CDHR2: variants seen among roughly 807,000 people sequenced by gnomAD.
CDHR2 encodes cadherin related family member 2.
In CDHR2, 104 loss-of-function variants were observed where a neutral mutation model predicts 138.6. The ratio of observed to expected loss-of-function variants is 0.75; its 90% CI spans 0.64 to 0.88. CDHR2 has a LOEUF of 0.88. Ranked by LOEUF, CDHR2 falls within the 40% of genes least tolerant of loss-of-function variation. CDHR2 has a pLI of 0.00. For synonymous variants in CDHR2, 755 were observed against 742.8 expected (o/e 1.02, Z -0.27); for missense variants, 1,624 against 1,727.6 (o/e 0.94, Z 1.06).
At chr5:176,579,714 C>T (rs1286007383) in intron 16 of CDHR2, among the ~76,000 whole-genome samples, 1 of 152,118 alleles carries the variant, frequency 6.6e-6, no homozygotes, top group East Asian at 1.9e-4. Context: ...AATGGAGGAG[C>T]TGAAGGTGGA....
chr5:176,583,125 A>G (rs1364612672), intron 17 of CDHR2, among the ~76,000 whole-genome samples: 3 of 152,212 alleles, frequency 2.0e-5, no homozygotes, highest in Non-Finnish European at 4.4e-5. Flanking sequence ...GAGGGCTGCA[A>G]AGAGAGAACT....
At chr5:176,571,662 A>G (rs1203709356) in intron 6 of CDHR2, among the ~76,000 whole-genome samples, 2 of 152,046 alleles carry the variant, frequency 1.3e-5, no homozygotes, top group Non-Finnish European at 2.9e-5. Context: ...TCAGCCTCCC[A>G]AGTAGCTGGG....
intron 20 of CDHR2, 137 bp from the exon 21 acceptor site, chr5:176,586,655 CT>C: frequency 1.4e-6 from 1 of 697,664 alleles, no homozygotes. Context: ...CCAGTGGTGG[CT>C]GTAATAGGGG....
intron 21 of CDHR2, among the ~76,000 whole-genome samples, chr5:176,588,570 TGA>T (rs767262078): frequency 9.8e-4 from 144 of 146,370 alleles, no homozygotes; most frequent in African/African-American, 2.1e-3. Context: ...GGACAGTGTG[TGA>T]GAGTGTGTGT....
chr5:176,544,470 T>G (rs1275658317), upstream of CDHR2, among the ~76,000 whole-genome samples: 1 of 80,848 alleles, frequency 1.2e-5, no homozygotes, highest in Non-Finnish European at 3.9e-5. Flanking sequence ...GACGGAGTCT[T>G]ACTTTGTCGC....
intron 21 of CDHR2, among the ~76,000 whole-genome samples, chr5:176,588,540 AGT>A (rs1491288186): frequency 2.8e-5 from 4 of 141,736 alleles, no homozygotes; most frequent in Non-Finnish European, 6.1e-5. Flanking sequence ...TGTTAGGGTG[AGT>A]GAGTGTATGT....
Position 176,589,085 on chromosome 5 carries a change from G to A in CDHR2, c.2911G>A (p.Val971Ile). The change falls in exon 22 of 32, where the codon GTA (valine) becomes ATA (isoleucine). Residue 971 changes from valine (V) to isoleucine (I), a missense_variant. Val to Ile is a conservative substitution (Grantham distance 29, BLOSUM62 3). Transcript: ENST00000261944. ...NGVILFSILR[V>I]DFISKDGATI... ...CGTCATCCTGTTCTCCATCCTCCGA[G>A]TAGACTTCATCTCTAAGGACGGGGC... 1 of 1,614,140 alleles carries A rather than the reference G, an allele frequency of 6.2e-7. No homozygotes were observed. The highest frequency in any genetic ancestry group is 8.5e-7 in the Non-Finnish European group (1 of 1,179,998).
At chr5:176,558,212 TTA>T (rs1561866970) in intron 1 of CDHR2, among the ~76,000 whole-genome samples, 1 of 129,236 alleles carries the variant, frequency 7.7e-6, no homozygotes, top group Admixed American at 7.4e-5. Flanking sequence ...TTTTCTTTTC[TTA>T]TTTTTTTTTT....
rs916547142 is a variant in CDHR2, at chr5:176,591,129, T to C, written c.3540-81T>C. The C allele has an allele frequency of 1.3e-5, 12 of 937,136 alleles. No individual in the cohort carries two copies. The African/African-American group carries it at 1.3e-4, about 10-fold the overall frequency. The allele number at this position is 937,136 out of a possible 1,614,324, so 58.1% of individuals were successfully genotyped here. On this transcript the variant is annotated intron_variant, in intron 28 of 31. Coordinates refer to ENST00000261944, the MANE Select transcript of CDHR2 (RefSeq NM_017675.6). ...CTAACACTCACCTCCCGGGATCTTGTGAAGCCACAGGCTCAGGGCCTCCAC... is the reference window on the plus strand; with the variant it reads ...CTAACACTCACCTCCCGGGATCTTGCGAAGCCACAGGCTCAGGGCCTCCAC...
At chr5:176,572,173 C>T (rs540047513) in intron 6 of CDHR2, among the ~76,000 whole-genome samples, 13 of 149,330 alleles carry the variant, frequency 8.7e-5, no homozygotes, top group African/African-American at 2.0e-4. Flanking sequence ...CACCTGAGGT[C>T]GGGAGTTGGA....
rs201933320 is a variant in CDHR2, at chr5:176,577,772, G to C, written c.1486G>C (p.Gly496Arg). The C allele has an allele frequency of 1.9e-5, 31 of 1,614,158 alleles. No individual in the cohort carries two copies. Among genetic ancestry groups the C allele is most frequent in the Admixed American group, 1.5e-4 (9 of 60,026 alleles). ...VLTVPEHSAT[G>R]SVVTDSIHAT... ...CACGGTGCCAGAGCACAGCGCCACC[G>C]GCTCTGTGGTCACCGACAGCATCCA... Residue 496 changes from glycine to arginine, a missense_variant, in exon 14 of 32, where the codon GGC (glycine) becomes CGC (arginine). Physicochemically the swap from Gly to Arg is moderately radical, Grantham distance 125. This residue lies in a region of CDHR2 where 1,061 missense variants were observed against 1,136.6 expected (regional missense o/e 0.93). Transcript: ENST00000261944.
chr5:176,546,280 GATCTA>G (rs1757583339), upstream of CDHR2, among the ~76,000 whole-genome samples: 2 of 152,166 alleles, frequency 1.3e-5, no homozygotes, highest in African/African-American at 2.4e-5. Flanking sequence ...CTCGGGTGGT[GATCTA>G]ATCTGTCTAA....
intron 1 of CDHR2, among the ~76,000 whole-genome samples, chr5:176,557,560 ATTTTTTT>A (rs5873538): frequency 2.3e-5 from 2 of 87,428 alleles, no homozygotes; most frequent in African/African-American, 4.6e-5. Context: ...ACCTTCTTAG[ATTTTTTT>A]TTTTTTTTTT....
At chr5:176,552,391 C>T (rs562496485) in intron 1 of CDHR2, among the ~76,000 whole-genome samples, 4 of 152,310 alleles carry the variant, frequency 2.6e-5, no homozygotes, top group East Asian at 1.9e-4. Context: ...GGGTGTGGAC[C>T]GAGAACAGGA....
chr5:176,558,342 A>C (rs1446872810), intron 1 of CDHR2, among the ~76,000 whole-genome samples: 1 of 137,460 alleles, frequency 7.3e-6, no homozygotes, highest in African/African-American at 2.8e-5. Flanking sequence ...CAGCCTCCCT[A>C]GTAGCTGGGA....
chr5:176,545,809 C>T (rs907171171), upstream of CDHR2, among the ~76,000 whole-genome samples: 9 of 152,246 alleles, frequency 5.9e-5, no homozygotes, highest in Middle Eastern at 3.2e-3. Flanking sequence ...AGACCTGGAC[C>T]TGGATCGTCA....
In CDHR2 at chr5:176,586,823, G is replaced by A. The variant is rs139666636; in HGVS notation, c.2837G>A (p.Arg946Gln). 1.7e-5 allele frequency: 27 copies of A among 1,610,052 alleles called. No homozygotes were observed. In the African/African-American group the frequency reaches 1.9e-4, roughly 11 times the overall value. ...VIIPELVLPN[R>Q]EVASVRARDD... ...ATCCCTGAACTCGTGCTGCCCAACC[G>A]GGAGGTGGCTTCTGTCCGGGTAAGT... The change falls in exon 21 of 32, where the codon CGG becomes CAG. Residue 946 changes from arginine to glutamine, a missense_variant. Around this residue, in one of 3 missense-constraint regions of CDHR2, gnomAD observed 556 missense variants for 565.7 expected, o/e 0.98. Transcript: ENST00000261944.
In CDHR2 at chr5:176,591,198, G is replaced by T. The variant is rs367916830; in HGVS notation, c.3540-12G>T. ...GCAGCAACAGTGTGACCCCTCTTCC[G>T]GTTCCCCACAGCTACAACCGGAAGC... On this transcript the variant is annotated splice_polypyrimidine_tract_variant and intron_variant, in intron 28 of 31. Coordinates refer to ENST00000261944, the MANE Select transcript of CDHR2 (RefSeq NM_017675.6). 3 of 1,597,268 alleles carry T rather than the reference G, an allele frequency of 1.9e-6. No homozygotes were observed. Among genetic ancestry groups the T allele is most frequent in the South Asian group, 1.1e-5 (1 of 90,630 alleles).
chr5:176,585,719 T>A (rs1200858012), intron 19 of CDHR2, among the ~76,000 whole-genome samples: 1 of 151,834 alleles, frequency 6.6e-6, no homozygotes, highest in Non-Finnish European at 1.5e-5. Context: ...GCATTCTGGG[T>A]CAGGAGCAGG....
Sources: gnomAD v4.1 joint callset for allele counts (sites outside exome capture counted in the v4.1 genomes callset) on GRCh38, gnomAD v4.1.1 for gene constraint, gnomAD v4.1.1 regional missense constraint, MANE v1.5 for transcripts, NCBI Gene and HGNC (gene_info 2026-07-23, HGNC 2026-07-21) for gene names.